The following EPB41L5 variants were observed in gnomAD, a reference collection of about 807,000 sequenced individuals.
EPB41L5 encodes band 4.1-like protein 5.
In EPB41L5, 55 loss-of-function variants were observed where a neutral mutation model predicts 106.6. The observed-to-expected ratio is 0.52, with a 90% CI of 0.42 to 0.65. EPB41L5 has a LOEUF of 0.65. Among genes scored for constraint, EPB41L5 ranks in the 30% least tolerant of loss-of-function variants. The pLI, the probability that EPB41L5 is intolerant of heterozygous loss-of-function variation, is 0.00. For missense variants in EPB41L5, 871 were observed against 882.1 expected, an observed-to-expected ratio of 0.99 and a Z score of 0.16; for synonymous variants, 297 against 306.7, an observed-to-expected ratio of 0.97 and a Z score of 0.33.
At chr2:120,174,724 C>G in intron 24 of EPB41L5, 117 bp from the exon 25 acceptor site, 1 of 840,742 alleles carries the variant, frequency 1.2e-6, no homozygotes, top group South Asian at 1.4e-5. Context: ...TACATATTGA[C>G]TTAGGTCTGT....
intron 1 of EPB41L5, among the ~76,000 whole-genome samples, chr2:120,015,124 C>A (rs1677426441): frequency 6.6e-6 from 1 of 150,866 alleles, no homozygotes; most frequent in Admixed American, 6.6e-5. Flanking sequence ...GAGATGGAGA[C>A]TATCCTGGCT....
chr2:120,039,329 A>G (rs1679246337), intron 2 of EPB41L5, among the ~76,000 whole-genome samples: 1 of 152,080 alleles, frequency 6.6e-6, no homozygotes, highest in South Asian at 2.1e-4. Context: ...TTCTGATTGG[A>G]ATAGTGACAG....
chr2:120,062,703 A>T (rs1681167034), intron 3 of EPB41L5, among the ~76,000 whole-genome samples: 1 of 152,172 alleles, frequency 6.6e-6, no homozygotes, highest in African/African-American at 2.4e-5. Flanking sequence ...TGTAGATCTA[A>T]TTCATTTTAT....
At chr2:120,028,241 A>T (rs1013740827) in intron 2 of EPB41L5, among the ~76,000 whole-genome samples, 2 of 151,972 alleles carry the variant, frequency 1.3e-5, no homozygotes, top group South Asian at 4.2e-4. Context: ...ATTTTTTAGT[A>T]GTAAGAAACA....
chr2:120,026,441 T>C (rs1232775053), intron 2 of EPB41L5, among the ~76,000 whole-genome samples: 3 of 152,208 alleles, frequency 2.0e-5, no homozygotes, highest in Non-Finnish European at 4.4e-5. Context: ...TGATCTCAGC[T>C]TACTGCGATC....
At chr2:120,108,428 A>C (rs886396494) in intron 16 of EPB41L5, 5 of 152,194 alleles carry the variant, frequency 3.3e-5, no homozygotes, top group African/African-American at 1.2e-4. Context: ...GTGTATGATT[A>C]AGATTTGTAA....
intron 1 of EPB41L5, among the ~76,000 whole-genome samples, chr2:120,015,659 C>G (rs1181077135): frequency 6.6e-6 from 1 of 152,004 alleles, no homozygotes; most frequent in African/African-American, 2.4e-5. Flanking sequence ...TGTATTATGG[C>G]TGGGCTTGGT....
At chr2:120,123,152 T>G (rs954382561) in intron 16 of EPB41L5, among the ~76,000 whole-genome samples, 2 of 152,096 alleles carry the variant, frequency 1.3e-5, no homozygotes, top group Non-Finnish European at 2.9e-5. Context: ...AAAGTTTTGT[T>G]TTTTTTTCAC....
chr2:120,103,221 T>C (rs747975897), intron 16 of EPB41L5, among the ~76,000 whole-genome samples: 1 of 152,234 alleles, frequency 6.6e-6, no homozygotes. Flanking sequence ...TTTAAATATA[T>C]GCTGCCCTTT....
At chr2:120,093,609 GGCAAT>G (rs1683555766) in intron 14 of EPB41L5, among the ~76,000 whole-genome samples, 1 of 152,166 alleles carries the variant, frequency 6.6e-6, no homozygotes, top group Non-Finnish European at 1.5e-5. Context: ...TTTGCAAATA[GGCAAT>G]TTTCTTCCTG....
At chr2:120,067,008 T>C (rs1212886211) in intron 3 of EPB41L5, among the ~76,000 whole-genome samples, 1 of 152,186 alleles carries the variant, frequency 6.6e-6, no homozygotes, top group African/African-American at 2.4e-5. Flanking sequence ...GTTCTGTTAA[T>C]GGAAGGATGC....
At chr2:120,144,910 T>G (rs1274917846) in intron 19 of EPB41L5, among the ~76,000 whole-genome samples, 1 of 152,212 alleles carries the variant, frequency 6.6e-6, no homozygotes, top group Non-Finnish European at 1.5e-5. Flanking sequence ...TTGTCTCAAT[T>G]CATGTAGAAA....
intron 10 of EPB41L5, among the ~76,000 whole-genome samples, chr2:120,082,265 T>A (rs570108263): frequency 6.6e-6 from 1 of 152,220 alleles, no homozygotes; most frequent in Non-Finnish European, 1.5e-5. Context: ...ATAGCTCTTA[T>A]TATTTTGAGA....
chr2:120,123,703 G>A (rs904377765), intron 16 of EPB41L5, among the ~76,000 whole-genome samples: 3 of 135,140 alleles, frequency 2.2e-5, no homozygotes, highest in Non-Finnish European at 3.0e-5. Flanking sequence ...TGTTGCCCAG[G>A]CTAGAGTGTA....
At chr2:120,122,094 G>GA (rs1685242569) in intron 16 of EPB41L5, among the ~76,000 whole-genome samples, 1 of 152,174 alleles carries the variant, frequency 6.6e-6, no homozygotes, top group African/African-American at 2.4e-5. Flanking sequence ...CAGATGGGTA[G>GA]ATTGCAAAAA....
chr2:120,051,374 C>T (rs1196908176), intron 3 of EPB41L5, among the ~76,000 whole-genome samples: 1 of 152,170 alleles, frequency 6.6e-6, no homozygotes, highest in Non-Finnish European at 1.5e-5. Flanking sequence ...CTCCCCCAGC[C>T]TCGCTGCCAC....
At chr2:120,057,880 A>G (rs1306306292) in intron 3 of EPB41L5, among the ~76,000 whole-genome samples, 2 of 152,154 alleles carry the variant, frequency 1.3e-5, no homozygotes, top group Non-Finnish European at 2.9e-5. Flanking sequence ...TAGAAGTAAT[A>G]TATTTTTAAT....
At chr2:120,104,293 C>G (rs1684325193) in intron 16 of EPB41L5, 1 of 1,501,432 alleles carries the variant, frequency 6.7e-7, no homozygotes, top group Non-Finnish European at 8.9e-7. Context: ...TGATGGTATA[C>G]ATTATCTGGT....
intron 1 of EPB41L5, among the ~76,000 whole-genome samples, chr2:120,013,918 C>T (rs1197099430): frequency 1.3e-5 from 2 of 152,162 alleles, no homozygotes. Context: ...TGTAATGTAA[C>T]CCACAACTGC....
Sources: allele counts gnomAD v4.1 joint callset (sites outside exome capture counted in the v4.1 genomes callset), GRCh38; gene constraint gnomAD v4.1.1; transcripts MANE v1.5; gene names NCBI Gene and HGNC (gene_info 2026-07-23, HGNC 2026-07-21).